The following SHISAL1 variants were observed in gnomAD, a reference collection of about 807,000 sequenced individuals.
The protein encoded by SHISAL1 is shisa like 1, also known as protein shisa-like-1.
Under a neutral mutation model 22.6 loss-of-function variants are expected in SHISAL1, and 9 were observed. The observed-to-expected ratio is 0.40, with a 90% CI of 0.24 to 0.70. SHISAL1 has a LOEUF of 0.70. Among genes scored for constraint, SHISAL1 ranks in the 30% least tolerant of loss-of-function variants. The pLI is 0.39. For missense variants in SHISAL1, 246 were observed against 270.6 expected (o/e 0.91, Z 0.64); for synonymous variants, 119 against 115.4 (o/e 1.03, Z -0.20).
chr22:44,271,276 C>A (rs135415), intron 4 of SHISAL1, among the ~76,000 whole-genome samples: 70,280 of 152,042 alleles, frequency 0.46, 18,482 homozygotes, highest in Non-Finnish European at 0.61. Flanking sequence ...TTCCTGCCTG[C>A]CCCCACCTGC....
intron 4 of SHISAL1, among the ~76,000 whole-genome samples, chr22:44,261,092 TATATATAC>T (rs1327602720): frequency 6.8e-5 from 9 of 131,784 alleles, no homozygotes; most frequent in South Asian, 2.3e-4. Flanking sequence ...TATATATATA[TATATATAC>T]ACTATATGGA....
intron 4 of SHISAL1, among the ~76,000 whole-genome samples, chr22:44,277,230 A>G (rs2055246127): frequency 6.6e-6 from 1 of 152,126 alleles, no homozygotes; most frequent in Admixed American, 6.5e-5. Flanking sequence ...GGATCCAAGC[A>G]TTTGCAGAGC....
At position 44,285,621 on chromosome 22, in the gene SHISAL1, C is replaced by T; in HGVS notation, c.406G>A (p.Gly136Ser). 2 of 1,614,190 alleles carry T rather than the reference C, an allele frequency of 1.2e-6. No individual in the cohort carries two copies. Among genetic ancestry groups the T allele is most frequent in the South Asian group, 1.1e-5 (1 of 91,088 alleles). ...TGTTTCATCCATCGTCCTTGGATGC[C>T]CCACCGTGCCAGGTAGACCTTGCAG... is the stretch of plus-strand genomic sequence containing the variant. Reference protein sequence around the residue: ...DICKVYLARWGIQGRWMKQDP... With the variant: ...DICKVYLARWSIQGRWMKQDP... Residue 136 changes from glycine to serine, a missense_variant, in exon 4 of 5, where the codon GGC (glycine) becomes AGC (serine). Transcript: ENST00000381176.
At chr22:44,284,911 C>CTTCCTTCCTTCCTTCCTTCT (rs2055302017) in intron 4 of SHISAL1, among the ~76,000 whole-genome samples, 24 of 151,634 alleles carry the variant, frequency 1.6e-4, no homozygotes, top group Admixed American at 1.6e-3. Flanking sequence ...TCCTTCCTTC[C>CTTCCTTCCTTCCTTCCTTCT]TTCCTTCCTT....
rs1346938576 is a variant in SHISAL1 at position 44,286,435 on chromosome 22, G to A, written c.282-690C>T. On this transcript the variant is annotated intron_variant, in intron 3 of 4. Coordinates refer to ENST00000381176, the MANE Select transcript of SHISAL1 (RefSeq NM_001099294.2). ...GCAGAGGTGGCCAAAGTTGCGGGAG[G>A]GTTTGGAAGCCCGCTGTGAAGCCTG... Among the ~76,000 whole-genome samples the A allele has an allele frequency of 2.0e-5, 3 of 152,190 alleles. No individual in the cohort carries two copies. In the East Asian group the frequency reaches 5.8e-4, roughly 29 times the overall value.
chr22:44,250,321 A>G (rs761803674), intron 4 of SHISAL1, among the ~76,000 whole-genome samples: 1 of 152,244 alleles, frequency 6.6e-6, no homozygotes, highest in African/African-American at 2.4e-5. Context: ...TGGCACTAAT[A>G]TATGACCATG....
Position 44,310,150 on chromosome 22 carries a change from T to G in SHISAL1, c.-33+2601A>C, listed in dbSNP as rs1259058292. Among the ~76,000 whole-genome samples, 5 of 152,252 alleles carry G rather than the reference T, an allele frequency of 3.3e-5. No individual in the cohort carries two copies. Among genetic ancestry groups the G allele is most frequent in the African/African-American group, 1.2e-4 (5 of 41,468 alleles). On this transcript the variant is annotated intron_variant, in intron 1 of 4. Transcript: ENST00000381176. The surrounding 1 kb of genome is among the most constrained non-coding windows in gnomAD (Gnocchi z 4.0). The stretch of plus-strand genomic sequence containing the variant: ...TGTGACCTGAGCCCTGCTGACCTGA[T>G]GCCTAGCCCTGCAGCGGTCACATCC...
chr22:44,313,076 C>T (rs941799409), upstream of SHISAL1, among the ~76,000 whole-genome samples: 5 of 152,320 alleles, frequency 3.3e-5, no homozygotes, highest in East Asian at 1.9e-4. Context: ...GCAGTCCCCA[C>T]GCACTCCAGC....
At chr22:44,252,060 A>G (rs1471441122) in intron 4 of SHISAL1, among the ~76,000 whole-genome samples, 1 of 152,246 alleles carries the variant, frequency 6.6e-6, no homozygotes, top group Non-Finnish European at 1.5e-5. Context: ...GTGTAACTGT[A>G]GGACTATTGC....
At chr22:44,292,032 T>C (rs2055356127) in intron 3 of SHISAL1, among the ~76,000 whole-genome samples, 1 of 152,182 alleles carries the variant, frequency 6.6e-6, no homozygotes, top group Non-Finnish European at 1.5e-5. Context: ...CGAGGCTGCT[T>C]CCTCTCACTC....
At chr22:44,298,216 G>T (rs1446163332) in intron 2 of SHISAL1, among the ~76,000 whole-genome samples, 1 of 152,250 alleles carries the variant, frequency 6.6e-6, no homozygotes, top group Non-Finnish European at 1.5e-5. Context: ...CTCTGGGGAT[G>T]TAGAGGTTAT....
rs1337985151 is a variant in SHISAL1 at position 44,310,178 on chromosome 22, G to A, written c.-33+2573C>T. Among the ~76,000 whole-genome samples the A allele has an allele frequency of 1.3e-5, 2 of 152,166 alleles. No individual in the cohort carries two copies. Among genetic ancestry groups the A allele is most frequent in the South Asian group, 2.1e-4 (1 of 4,826 alleles). ...CTAGCCCTGCAGCGGTCACATCCCC[G>A]AACCCAGCCCTGCTGAGACCATTTC... On this transcript the variant is annotated intron_variant, in intron 1 of 4. Transcript: ENST00000381176. The surrounding 1 kb of genome is among the most constrained non-coding windows in gnomAD (Gnocchi z 4.0).
chr22:44,260,446 C>T (rs1157172723), intron 4 of SHISAL1, among the ~76,000 whole-genome samples: 1 of 152,154 alleles, frequency 6.6e-6, no homozygotes. Flanking sequence ...ACGCTGTCTG[C>T]AGGTGCGGAC....
the SHISAL1 span, among the ~76,000 whole-genome samples, chr22:44,324,649 T>A: frequency 1.3e-5 from 2 of 152,220 alleles, no homozygotes; most frequent in African/African-American, 4.8e-5. Flanking sequence ...AGGGGTTATA[T>A]AACTTGCCCA....
Position 44,285,443 on chromosome 22 carries a change from T to C in SHISAL1, c.584A>G (p.Gln195Arg). Residue 195 changes from glutamine to arginine, a missense_variant, in exon 4 of 5, where the codon CAG becomes CGG. Gln to Arg is a conservative substitution (Grantham distance 43, BLOSUM62 1). This residue lies in a region of SHISAL1 where 136 missense variants were observed against 117.5 expected (regional missense o/e 1.16). Transcript: ENST00000381176. ...AGCCACTCACCAGGCAGACGAACTC[T>C]GGAAGGTCATCAGCGGTGGGCTGTG... ...DAHSPPLMTF[Q>R]SSSA The C allele has an allele frequency of 6.2e-7, 1 of 1,614,074 alleles. No homozygotes were observed. Among genetic ancestry groups the C allele is most frequent in the East Asian group, 2.2e-5 (1 of 44,876 alleles).
At chr22:44,280,125 G>T (rs937813266) in intron 4 of SHISAL1, among the ~76,000 whole-genome samples, 1 of 152,166 alleles carries the variant, frequency 6.6e-6, no homozygotes, top group African/African-American at 2.4e-5. Flanking sequence ...TTTGAAGGAT[G>T]AATAGGAGTT....
chr22:44,286,907 ATG>A (rs2055319770), intron 3 of SHISAL1, among the ~76,000 whole-genome samples: 1 of 152,188 alleles, frequency 6.6e-6, no homozygotes, highest in Non-Finnish European at 1.5e-5. Flanking sequence ...TGCTGCAGGC[ATG>A]TGTTTGGGTG....
chr22:44,313,770 G>A (rs367825994), upstream of SHISAL1, among the ~76,000 whole-genome samples: 1 of 152,192 alleles, frequency 6.6e-6, no homozygotes, highest in Non-Finnish European at 1.5e-5. Flanking sequence ...GCATTTAAAC[G>A]CAGCCATAAA....
chr22:44,286,472 G>T lies in SHISAL1; in HGVS notation c.282-727C>A, dbSNP rs981974685. Among the ~76,000 whole-genome samples the T allele has an allele frequency of 2.5e-4, 38 of 152,172 alleles. 1 individual carries two copies. The highest frequency in any genetic ancestry group is 7.3e-5 in the Non-Finnish European group (5 of 68,030). On this transcript the variant is annotated intron_variant, in intron 3 of 4. Coordinates refer to ENST00000381176, the MANE Select transcript of SHISAL1 (RefSeq NM_001099294.2). Reference sequence around the variant, plus strand: ...CGCTGTGAAGCCTGGCTCTCCCGGTGTCAGCCGACTCCACTGCAGACAGGG... The same window carrying T: ...CGCTGTGAAGCCTGGCTCTCCCGGTTTCAGCCGACTCCACTGCAGACAGGG...
Sources: gnomAD v4.1 joint callset for allele counts (sites outside exome capture counted in the v4.1 genomes callset) on GRCh38, gnomAD v4.1.1 for gene constraint, gnomAD v4.1.1 regional missense constraint, Gnocchi (gnomAD v3.1) non-coding constraint, MANE v1.5 for transcripts, NCBI Gene and HGNC (gene_info 2026-07-23, HGNC 2026-07-21) for gene names.